NTF3: variants seen among roughly 807,000 people sequenced by gnomAD.
The protein encoded by NTF3 is neurotrophin 3.
A neutral mutation model predicts 26.3 loss-of-function variants in NTF3; 8 were observed. That is an observed-to-expected ratio of 0.30 (90% confidence interval 0.18 to 0.55). The LOEUF is 0.55. Among genes scored for constraint, NTF3 ranks in the 20% least tolerant of loss-of-function variants. The probability of loss-of-function intolerance (pLI) is 0.93; values close to 1 mark genes in which losing one functional copy is unlikely to be tolerated. For synonymous variants in NTF3, 154 were observed against 145.5 expected (o/e 1.06, Z -0.42); for missense variants, 276 against 352.9 (o/e 0.78, Z 1.75).
At chr12:5,431,838 G>A (rs1565568124), upstream of NTF3, among the ~76,000 whole-genome samples, 1 of 152,070 alleles carries the variant, frequency 6.6e-6, no homozygotes, top group Non-Finnish European at 1.5e-5. Context: ...TCAAGGGTGG[G>A]GGTTACTGAA....
Position 5,456,152 on chromosome 12 carries a change from G to A in NTF3, c.18+23810G>A, listed in dbSNP as rs1382685625. Among the ~76,000 whole-genome samples the A allele has an allele frequency of 6.6e-6, 1 of 152,152 alleles. No homozygotes were observed. The highest frequency in any genetic ancestry group is 1.5e-5 in the Non-Finnish European group (1 of 68,030). ...CCTTAGCAGGAGCACTGGTCACTTGGGCTGGGATGGTTCTTAGTGGTACAG... is the reference window on the plus strand; with the variant it reads ...CCTTAGCAGGAGCACTGGTCACTTGAGCTGGGATGGTTCTTAGTGGTACAG... On this transcript the variant is annotated intron_variant, in intron 1 of 1. Coordinates refer to ENST00000423158, the MANE Select transcript of NTF3 (RefSeq NM_001102654.2). This position sits in a 1 kb window ranked among gnomAD's most constrained non-coding sequence, Gnocchi z 4.4.
chr12:5,431,586 G>A (rs1290086374), upstream of NTF3, among the ~76,000 whole-genome samples: 1 of 151,968 alleles, frequency 6.6e-6, no homozygotes, highest in Admixed American at 6.5e-5. Context: ...TAGGGGGTGG[G>A]GAGAGATCTG....
At chr12:5,443,907 AAGAG>A (rs1940271423) in intron 1 of NTF3, among the ~76,000 whole-genome samples, 2 of 152,308 alleles carry the variant, frequency 1.3e-5, no homozygotes, top group South Asian at 4.1e-4. Flanking sequence ...GAGAGAGTAC[AAGAG>A]AGAAAGATAT....
At chr12:5,487,339 C>T (rs1213057258) in intron 1 of NTF3, among the ~76,000 whole-genome samples, 1 of 152,206 alleles carries the variant, frequency 6.6e-6, no homozygotes, top group Admixed American at 6.5e-5. Flanking sequence ...AATTCCTCTC[C>T]TAACAGCTGT....
chr12:5,445,382 A>G (rs17180851), intron 1 of NTF3, among the ~76,000 whole-genome samples: 1 of 150,836 alleles, frequency 6.6e-6, no homozygotes, highest in South Asian at 2.1e-4. Flanking sequence ...GCTACTGAAC[A>G]TTTTTTTTGT....
chr12:5,437,850 G>A (rs1405834048), intron 1 of NTF3, among the ~76,000 whole-genome samples: 1 of 152,246 alleles, frequency 6.6e-6, no homozygotes, highest in African/African-American at 2.4e-5. Flanking sequence ...GGACAGGCAT[G>A]TGTGGAGTAA....
intron 1 of NTF3, among the ~76,000 whole-genome samples, chr12:5,438,381 T>G (rs951485867): frequency 1.2e-4 from 19 of 152,138 alleles, no homozygotes; most frequent in African/African-American, 4.3e-4. Context: ...CCTTCTCAAA[T>G]AGGATTAATT....
At chr12:5,457,614 A>C (rs528627242) in intron 1 of NTF3, among the ~76,000 whole-genome samples, 1 of 152,016 alleles carries the variant, frequency 6.6e-6, no homozygotes, top group African/African-American at 2.4e-5. Context: ...CTTATATCTT[A>C]TCTCTCAAAT....
intron 1 of NTF3, among the ~76,000 whole-genome samples, chr12:5,445,288 ATGTGTGTGTGTATGTGTGTGTGTGTGTG>A (rs1351093849): frequency 3.0e-5 from 3 of 101,454 alleles, no homozygotes; most frequent in African/African-American, 1.0e-4. Flanking sequence ...GGATTAAATG[ATGTGTGTGTGTATGTGTGTGTGTGTGTG>A]TGTGTGTGTG....
intron 1 of NTF3, among the ~76,000 whole-genome samples, chr12:5,442,419 G>A (rs1940248990): frequency 6.6e-6 from 1 of 152,146 alleles, no homozygotes; most frequent in African/African-American, 2.4e-5. Context: ...TACAGGTGTT[G>A]GGGCTTGGGG....
At chr12:5,465,427 C>T (rs888537628) in intron 1 of NTF3, among the ~76,000 whole-genome samples, 5 of 152,200 alleles carry the variant, frequency 3.3e-5, no homozygotes, top group Admixed American at 2.6e-4. Flanking sequence ...GCACAGCATT[C>T]ACGTGTAGCA....
At chr12:5,430,492 T>TG (rs2121121761), upstream of NTF3, among the ~76,000 whole-genome samples, 1 of 151,396 alleles carries the variant, frequency 6.6e-6, no homozygotes, top group East Asian at 1.9e-4. Context: ...TGGGCCTCGG[T>TG]GGGCGCTTCT....
rs1457447516 is a variant in NTF3, at chr12:5,456,845, T to A, written c.18+24503T>A. Among the ~76,000 whole-genome samples, 1 of 152,226 alleles carries A rather than the reference T, an allele frequency of 6.6e-6. No homozygotes were observed. The highest frequency in any genetic ancestry group is 1.5e-5 in the Non-Finnish European group (1 of 68,042). On this transcript the variant is annotated intron_variant, in intron 1 of 1. Coordinates refer to ENST00000423158, the MANE Select transcript of NTF3 (RefSeq NM_001102654.2). This position sits in a 1 kb window ranked among gnomAD's most constrained non-coding sequence, Gnocchi z 4.4. ...TAGGTCAAGTGATTTGGGCCCGAGTTGACCCAGAGTCCCTAAATGACTGCT... is the reference window on the plus strand; with the variant it reads ...TAGGTCAAGTGATTTGGGCCCGAGTAGACCCAGAGTCCCTAAATGACTGCT...
chr12:5,480,093 C>A (rs1410740649), intron 1 of NTF3, among the ~76,000 whole-genome samples: 1 of 152,192 alleles, frequency 6.6e-6, no homozygotes, highest in African/African-American at 2.4e-5. Flanking sequence ...GCAGCCCCTC[C>A]AGAGCTGTTG....
At chr12:5,468,540 G>T (rs1404623084) in intron 1 of NTF3, among the ~76,000 whole-genome samples, 2 of 152,180 alleles carry the variant, frequency 1.3e-5, no homozygotes, top group African/African-American at 4.8e-5. Flanking sequence ...GCTGTTACGA[G>T]TCCTTTCTCC....
intron 1 of NTF3, among the ~76,000 whole-genome samples, chr12:5,483,616 T>C (rs1940833484): frequency 6.6e-6 from 1 of 152,246 alleles, no homozygotes; most frequent in African/African-American, 2.4e-5. Context: ...CATATGTGTC[T>C]TTATGAAAGA....
At chr12:5,454,046 G>A (rs1025587243) in intron 1 of NTF3, among the ~76,000 whole-genome samples, 2 of 152,142 alleles carry the variant, frequency 1.3e-5, no homozygotes, top group Admixed American at 6.5e-5. Context: ...AGTCTCCTGG[G>A]GCTGCCGTAA....
intron 1 of NTF3, among the ~76,000 whole-genome samples, chr12:5,455,376 T>C (rs1940425508): frequency 6.6e-6 from 1 of 152,084 alleles, no homozygotes. Flanking sequence ...ACTGCCTGGG[T>C]TAGGTGTTGT....
chr12:5,436,081 C>T (rs1204205723), intron 1 of NTF3, among the ~76,000 whole-genome samples: 3 of 152,192 alleles, frequency 2.0e-5, no homozygotes, highest in Non-Finnish European at 4.4e-5. Flanking sequence ...TGTCGTTGAT[C>T]GGGTCCATAC....
Sources: gnomAD v4.1 joint callset for allele counts (sites outside exome capture counted in the v4.1 genomes callset) on GRCh38, gnomAD v4.1.1 for gene constraint, Gnocchi (gnomAD v3.1) non-coding constraint, MANE v1.5 for transcripts, NCBI Gene and HGNC (gene_info 2026-07-23, HGNC 2026-07-21) for gene names.